Variants in KCNMA1 observed in about 807,000 individuals in gnomAD.
KCNMA1 encodes the protein potassium calcium-activated channel subfamily M alpha 1.
A neutral mutation model predicts 140.0 loss-of-function variants in KCNMA1; 29 were observed. The observed-to-expected ratio is 0.21, with a 90% CI of 0.15 to 0.28. KCNMA1 has a LOEUF of 0.28. KCNMA1 is among the 10% of genes least tolerant of loss of function. The pLI is 1.00. For synonymous variants in KCNMA1, 612 were observed against 611.9 expected, an observed-to-expected ratio of 1.00 and a Z score of 0.00; for missense variants, 880 against 1,602.2, an observed-to-expected ratio of 0.55 and a Z score of 7.70.
chr10:77,545,636 A>G (rs1421332705), intron 1 of KCNMA1, among the ~76,000 whole-genome samples: 1 of 152,132 alleles, frequency 6.6e-6, no homozygotes, highest in Non-Finnish European at 1.5e-5. Context: ...CCTGGAACAT[A>G]TTCTCCCAGG....
intron 2 of KCNMA1, among the ~76,000 whole-genome samples, chr10:77,324,965 CTCTCTCTGTGTGTGTG>C (rs909853130): frequency 3.8e-5 from 4 of 106,088 alleles, no homozygotes; most frequent in Non-Finnish European, 5.4e-5. Flanking sequence ...CTCTCTCTCT[CTCTCTCTGTGTGTGTG>C]TGTGTGTGTG....
intron 1 of KCNMA1, among the ~76,000 whole-genome samples, chr10:77,531,066 T>C (rs1203554746): frequency 6.6e-6 from 1 of 152,118 alleles, no homozygotes; most frequent in African/African-American, 2.4e-5. Flanking sequence ...AACAAAGCTG[T>C]TTCCTACCAT....
intron 1 of KCNMA1, among the ~76,000 whole-genome samples, chr10:77,446,581 C>T (rs1324955963): frequency 6.6e-6 from 1 of 152,248 alleles, no homozygotes; most frequent in East Asian, 1.9e-4. Context: ...AAAATCCATA[C>T]TCTGTGCAAG....
intron 1 of KCNMA1, among the ~76,000 whole-genome samples, chr10:77,594,808 T>C (rs2080304285): frequency 6.6e-6 from 1 of 152,184 alleles, no homozygotes; most frequent in Non-Finnish European, 1.5e-5. Context: ...GAGTATCTGC[T>C]CTATAAAGCC....
chr10:76,888,247 G>A (rs2038154697), intron 27 of KCNMA1: 1 of 152,790 alleles, frequency 6.5e-6, no homozygotes, highest in African/African-American at 2.4e-5. Context: ...GCTGAGGATG[G>A]GGTCCAGCAA....
In KCNMA1 at chr10:77,626,098, C is replaced by T. The variant is rs192200243; in HGVS notation, c.378+11167G>A. 1.9e-3 allele frequency among the ~76,000 whole-genome samples: 284 copies of T among 152,024 alleles called. 2 individuals carry two copies. Among genetic ancestry groups the T allele is most frequent in the African/African-American group, 1.5e-3 (63 of 41,458 alleles). ...TTGTTTAATGCCCCTGCACGGCCTACGTTTTCTACAATGAACATGTAGTAT... is the reference window on the plus strand; with the variant it reads ...TTGTTTAATGCCCCTGCACGGCCTATGTTTTCTACAATGAACATGTAGTAT... On this transcript the variant is annotated intron_variant, in intron 1 of 27. Coordinates refer to ENST00000286628, the MANE Select transcript of KCNMA1 (RefSeq NM_001161352.2).
chr10:77,184,946 G>T, intron 3 of KCNMA1, 30 bp from the exon 4 acceptor site: 1 of 1,326,682 alleles, frequency 7.5e-7, no homozygotes, highest in Non-Finnish European at 1.1e-6. Context: ...AAAAGCAAGA[G>T]GTAAATGACA....
intron 1 of KCNMA1, among the ~76,000 whole-genome samples, chr10:77,590,537 C>T (rs1023803937): frequency 6.6e-6 from 1 of 152,262 alleles, no homozygotes; most frequent in African/African-American, 2.4e-5. Context: ...CCGCAAGCAC[C>T]GCTGGCAGCC....
intron 1 of KCNMA1, among the ~76,000 whole-genome samples, chr10:77,544,777 C>T (rs963021464): frequency 6.6e-6 from 1 of 152,300 alleles, no homozygotes; most frequent in South Asian, 2.1e-4. Flanking sequence ...TGGTTGAATA[C>T]AAAGCCTGTG....
intron 23 of KCNMA1, among the ~76,000 whole-genome samples, chr10:76,916,212 C>G (rs1401517299): frequency 1.3e-5 from 2 of 152,062 alleles, no homozygotes; most frequent in East Asian, 3.9e-4. Flanking sequence ...TCCCAGTGTG[C>G]CAAACACAGA....
At chr10:77,258,269 T>G (rs181991407) in intron 2 of KCNMA1, among the ~76,000 whole-genome samples, 27 of 152,354 alleles carry the variant, frequency 1.8e-4, no homozygotes, top group Non-Finnish European at 3.2e-4. Context: ...TAAATCTGTA[T>G]GCAGGAGACT....
intron 5 of KCNMA1, among the ~76,000 whole-genome samples, chr10:77,129,612 TG>T (rs1280794805): frequency 6.6e-6 from 1 of 152,166 alleles, no homozygotes; most frequent in Admixed American, 6.5e-5. Context: ...CTTAAGATTT[TG>T]GGGGAAAAGT....
intron 5 of KCNMA1, among the ~76,000 whole-genome samples, chr10:77,123,040 C>T (rs557164236): frequency 1.3e-5 from 2 of 151,152 alleles, no homozygotes; most frequent in East Asian, 1.9e-4. Context: ...ATTAGCCGGG[C>T]GTGGTGGCGG....
At chr10:77,560,731 T>C (rs568212821) in intron 1 of KCNMA1, among the ~76,000 whole-genome samples, 1 of 152,320 alleles carries the variant, frequency 6.6e-6, no homozygotes, top group African/African-American at 2.4e-5. Context: ...CAGGAGGCCC[T>C]GAGAAGAGAT....
intron 2 of KCNMA1, among the ~76,000 whole-genome samples, chr10:77,379,712 G>A (rs1443350822): frequency 6.6e-6 from 1 of 152,092 alleles, no homozygotes; most frequent in African/African-American, 2.4e-5. Flanking sequence ...GGAGTAAAGG[G>A]TGTGTTACTC....
intron 2 of KCNMA1, among the ~76,000 whole-genome samples, chr10:77,285,776 T>G (rs1246887204): frequency 1.3e-5 from 2 of 152,212 alleles, no homozygotes; most frequent in Admixed American, 1.3e-4. Flanking sequence ...TGGCCATGTA[T>G]TTTTGGAAAA....
intron 2 of KCNMA1, among the ~76,000 whole-genome samples, chr10:77,251,615 A>G (rs2059677850): frequency 6.6e-6 from 1 of 152,164 alleles, no homozygotes; most frequent in African/African-American, 2.4e-5. Flanking sequence ...TTAATATTAT[A>G]TGTAGTCTAG....
Position 77,464,112 on chromosome 10 carries a change from T to A in KCNMA1, c.379-60089A>T, listed in dbSNP as rs546612576. Reference sequence around the variant, plus strand: ...GCACAAGATTAGGAGTCAAAATCCCTGAGTTCCTGGTCCAGCTATTGCTAT... The same window carrying A: ...GCACAAGATTAGGAGTCAAAATCCCAGAGTTCCTGGTCCAGCTATTGCTAT... On this transcript the variant is annotated intron_variant, in intron 1 of 27. Coordinates refer to ENST00000286628, the MANE Select transcript of KCNMA1 (RefSeq NM_001161352.2). Among the ~76,000 whole-genome samples, 5 of 152,320 alleles carry A rather than the reference T, an allele frequency of 3.3e-5. No individual in the cohort carries two copies. The South Asian group carries it at 1.0e-3, about 32-fold the overall frequency.
chr10:77,050,025 C>G (rs1282153333), intron 14 of KCNMA1, among the ~76,000 whole-genome samples: 1 of 152,100 alleles, frequency 6.6e-6, no homozygotes, highest in African/African-American at 2.4e-5. Flanking sequence ...TGGAGTTATT[C>G]CTACTAGCTA....
Sources: gnomAD v4.1 joint callset for allele counts (sites outside exome capture counted in the v4.1 genomes callset) on GRCh38, gnomAD v4.1.1 for gene constraint, MANE v1.5 for transcripts, NCBI Gene and HGNC (gene_info 2026-07-23, HGNC 2026-07-21) for gene names.